The following SSUH2 variants were observed in gnomAD, a reference collection of about 807,000 sequenced individuals.
The protein encoded by SSUH2 is ssu-2 homolog.
Under a neutral mutation model 55.3 loss-of-function variants are expected in SSUH2, and 47 were observed. The observed-to-expected ratio is 0.85, with a 90% CI of 0.67 to 1.08. The LOEUF is 1.08. Among genes scored for constraint, SSUH2 ranks in the 50% least tolerant of loss-of-function variants. The pLI, the probability that SSUH2 is intolerant of heterozygous loss-of-function variation, is 0.00. For missense variants in SSUH2, 535 were observed against 490.7 expected, an observed-to-expected ratio of 1.09 and a Z score of -0.85; for synonymous variants, 212 against 191.5, an observed-to-expected ratio of 1.11 and a Z score of -0.89.
At chr3:8,628,488 G>A (rs1698064294) in intron 7 of SSUH2, among the ~76,000 whole-genome samples, 1 of 152,222 alleles carries the variant, frequency 6.6e-6, no homozygotes, top group African/African-American at 2.4e-5. Context: ...GCCCTTCCAA[G>A]TTCAAGTTTA....
chr3:8,661,548 C>T (rs1463851342), intron 6 of SSUH2, among the ~76,000 whole-genome samples: 1 of 152,202 alleles, frequency 6.6e-6, no homozygotes, highest in Non-Finnish European at 1.5e-5. Flanking sequence ...AGTCAGCCTG[C>T]CTGTTTCATG....
At chr3:8,678,614 C>G (rs56019880) in intron 2 of SSUH2, among the ~76,000 whole-genome samples, 1 of 73,224 alleles carries the variant, frequency 1.4e-5, no homozygotes, top group Non-Finnish European at 3.0e-5. Flanking sequence ...GCCAGCCCTT[C>G]TTCCCCCCCG....
At chr3:8,655,297 G>A (rs1380415414) in intron 7 of SSUH2, among the ~76,000 whole-genome samples, 1 of 762 alleles carries the variant, frequency 1.3e-3, no homozygotes, top group African/African-American at 0.014. Context: ...ACAGTGGGTG[G>A]CCTCATCCCC....
chr3:8,635,890 T>A, intron 1 of SSUH2, 33 bp from the exon 2 acceptor site: 1 of 1,527,314 alleles, frequency 6.5e-7, no homozygotes. Context: ...AAGCCTTGGG[T>A]AGGGAGGCGA....
At chr3:8,658,295 A>T (rs1001709936) in intron 7 of SSUH2, among the ~76,000 whole-genome samples, 1 of 152,240 alleles carries the variant, frequency 6.6e-6, no homozygotes, top group Non-Finnish European at 1.5e-5. Context: ...AGGTGGTAAA[A>T]TTAAACCTTT....
chr3:8,633,142 CTTTTT>C (rs139752594), intron 4 of SSUH2, among the ~76,000 whole-genome samples: 1 of 119,888 alleles, frequency 8.3e-6, no homozygotes. Flanking sequence ...TTGATGACGC[CTTTTT>C]TTTTTTTTTT....
chr3:8,674,359 C>T (rs1704979682), intron 3 of SSUH2, among the ~76,000 whole-genome samples: 1 of 152,140 alleles, frequency 6.6e-6, no homozygotes. Flanking sequence ...GAGCAGGAGG[C>T]CCCGGACAAG....
At chr3:8,678,419 A>T (rs558195000) in intron 2 of SSUH2, among the ~76,000 whole-genome samples, 7 of 152,060 alleles carry the variant, frequency 4.6e-5, no homozygotes, top group Non-Finnish European at 5.9e-5. Context: ...CTGGGTGAAC[A>T]GCCTGCGATG....
At chr3:8,635,199 C>T (rs1699715031) in intron 3 of SSUH2, 101 bp downstream of exon 3, 10 of 978,768 alleles carry the variant, frequency 1.0e-5, no homozygotes, top group Non-Finnish European at 8.9e-6. Context: ...GTGCAGACGG[C>T]CCCCTCCAGG....
intron 1 of SSUH2, among the ~76,000 whole-genome samples, chr3:8,638,048 G>A (rs1451877228): frequency 2.0e-5 from 3 of 152,170 alleles, no homozygotes; most frequent in African/African-American, 4.8e-5. Flanking sequence ...GTCACGTTTG[G>A]CCCATCCCTG....
intron 1 of SSUH2, among the ~76,000 whole-genome samples, chr3:8,642,126 C>T (rs897481748): frequency 2.0e-5 from 3 of 152,236 alleles, no homozygotes; most frequent in Admixed American, 1.3e-4. Context: ...TATAGCCCAT[C>T]TTACTTGAAG....
At chr3:8,641,960 AT>A (rs1156915972) in intron 1 of SSUH2, among the ~76,000 whole-genome samples, 1 of 152,124 alleles carries the variant, frequency 6.6e-6, no homozygotes, top group African/African-American at 2.4e-5. Flanking sequence ...GGTGATGGCG[AT>A]GTGGCCCCAG....
At chr3:8,635,132 G>C (rs974058002) in intron 3 of SSUH2, among the ~76,000 whole-genome samples, 168 bp downstream of exon 3, 5 of 152,206 alleles carry the variant, frequency 3.3e-5, no homozygotes, top group African/African-American at 1.2e-4. Flanking sequence ...TGAAGAGCTT[G>C]GTAAAATGTA....
Position 8,619,946 on chromosome 3 carries a change from G to A in SSUH2, c.1050C>T (p.Tyr350=). ...HYWYQGKTYV[Y]YIYGTDHQVY... ...CCTGGTGGTCAGTGCCATAGATGTA[G>A]TAGACATAAGTCTTTCCTTGGTACC... The change falls in exon 12 of 12, where the codon TAC becomes TAT. Residue 350 remains tyrosine, a synonymous_variant. Coordinates refer to ENST00000544814, the MANE Select transcript of SSUH2 (RefSeq NM_001256748.3). 1.2e-6 allele frequency: 2 copies of A among 1,614,190 alleles called. No homozygotes were observed. The highest frequency in any genetic ancestry group is 8.5e-7 in the Non-Finnish European group (1 of 1,180,020).
chr3:8,647,904 T>C (rs1156899048), upstream of SSUH2, among the ~76,000 whole-genome samples: 1 of 152,196 alleles, frequency 6.6e-6, no homozygotes, highest in African/African-American at 2.4e-5. Context: ...GAATCAAGTA[T>C]GGAGTGGAGG....
In SSUH2 at chr3:8,625,648, C is replaced by T; in HGVS notation, c.768-1G>A. Reference sequence around the variant, plus strand: ...CACAAACTCAAACAAGCTGTTCTTCCTGGAGGGAAGGAGGATGAGGGATGA... The same window carrying T: ...CACAAACTCAAACAAGCTGTTCTTCTTGGAGGGAAGGAGGATGAGGGATGA... On this transcript the variant is annotated splice_acceptor_variant, in intron 9 of 11. Transcript: ENST00000544814. LOFTEE classifies it high-confidence loss of function. 6.2e-7 allele frequency: 1 copy of T among 1,609,118 alleles called. No homozygotes were observed. The highest frequency in any genetic ancestry group is 8.5e-7 in the Non-Finnish European group (1 of 1,175,658).
rs1297650904 is a variant in SSUH2, at chr3:8,623,575, C to T, written c.955G>A (p.Ala319Thr). Residue 319 changes from alanine (A) to threonine (T), a missense_variant, in exon 11 of 12, where the codon GCC (alanine) becomes ACC (threonine). Physicochemically the swap from Ala to Thr is moderately conservative, Grantham distance 58. Coordinates refer to ENST00000544814, the MANE Select transcript of SSUH2 (RefSeq NM_001256748.3). ...TGCTGCAGGACGCGGGCACGGGAGG[C>T]CAAGGCAGCGCTGTGCTCTGCAATG... ...RGIAEHSAAL[A>T]SRARVLQQRQ... 9.0e-6 allele frequency: 14 copies of T among 1,550,844 alleles called. No homozygotes were observed. The highest frequency in any genetic ancestry group is 1.2e-5 in the Non-Finnish European group (14 of 1,146,358).
intron 1 of SSUH2, among the ~76,000 whole-genome samples, chr3:8,680,660 T>A (rs1380178474): frequency 6.6e-6 from 1 of 151,986 alleles, no homozygotes; most frequent in Non-Finnish European, 1.5e-5. Context: ...GGGTACAACA[T>A]CCCTGGGGGT....
Position 8,677,700 on chromosome 3 carries a change from C to G in SSUH2, c.-900-347G>C, listed in dbSNP as rs573739885. Among the ~76,000 whole-genome samples, 88 of 150,800 alleles carry G rather than the reference C, an allele frequency of 5.8e-4. 2 individuals are homozygous for G. Among genetic ancestry groups the G allele is most frequent in the Admixed American group, 2.2e-3 (34 of 15,200 alleles). ...ACTAGACAGGGTTTCTAAAGGATTG[C>G]CCCCCTGTTTTAGGGCCTTGGCAGC... is the stretch of plus-strand genomic sequence containing the variant. On this transcript the variant is annotated intron_variant, in intron 2 of 18. Coordinates refer to the SSUH2 transcript ENST00000317371.
Sources: allele counts gnomAD v4.1 joint callset (sites outside exome capture counted in the v4.1 genomes callset), GRCh38; gene constraint gnomAD v4.1.1; transcripts MANE v1.5; gene names NCBI Gene and HGNC (gene_info 2026-07-23, HGNC 2026-07-21).